The following PHF10 variants were observed in gnomAD, a reference collection of about 807,000 sequenced individuals.
The protein encoded by PHF10 is BRG1-associated factor 45a.
PHF10 carries 51 observed loss-of-function variants against 68.5 expected under a neutral mutation model. That is an observed-to-expected ratio of 0.74 (90% CI 0.59 to 0.94). The LOEUF is 0.94. PHF10 is among the 40% of genes least tolerant of loss of function. The pLI is 0.00. For synonymous variants in PHF10, 204 were observed against 203.5 expected (o/e 1.00, Z -0.02); for missense variants, 460 against 602.6 (o/e 0.76, Z 2.48).
At chr6:169,720,928 C>T (rs1789161100) in intron 2 of PHF10, 77 bp downstream of exon 2, 3 of 716,510 alleles carry the variant, frequency 4.2e-6, no homozygotes, top group Non-Finnish European at 7.2e-6. Flanking sequence ...TTTGCCAGAG[C>T]TGGGGGAAAG....
chr6:169,712,649 T>C (rs761588065), intron 7 of PHF10, 110 bp from the exon 8 acceptor site: 26 of 842,612 alleles, frequency 3.1e-5, no homozygotes, highest in South Asian at 6.6e-5. Flanking sequence ...CCGAAGACTT[T>C]TGAAAACTAG....
At chr6:169,704,947 C>T (rs1788724777) in intron 11 of PHF10, 186 bp downstream of exon 11, 1 of 430,534 alleles carries the variant, frequency 2.3e-6, no homozygotes, top group Non-Finnish European at 4.2e-6. Flanking sequence ...TTTCACTTAT[C>T]CTTTAGTTGG....
intron 2 of PHF10, chr6:169,719,203 T>C (rs1353353271): frequency 1.2e-5 from 3 of 253,650 alleles, no homozygotes; most frequent in Non-Finnish European, 2.3e-5. Flanking sequence ...AAAGGACCTA[T>C]GAGGGCAAAG....
At position 169,703,909 on chromosome 6, in the gene PHF10, CAAA is replaced by C; in HGVS notation, c.*91_*93del. ...CTGCAGATTTTAAGCTCATAATTTGCAAAAAAAATCTTTTATTGGCATGAAAAT... is the reference window on the plus strand; with the variant it reads ...CTGCAGATTTTAAGCTCATAATTTGCAAAAATCTTTTATTGGCATGAAAAT... On this transcript the variant is annotated 3_prime_UTR_variant, in exon 12 of 12. Transcript: ENST00000339209. 9.6e-7 allele frequency: 1 copy of C among 1,038,272 alleles called. No individual in the cohort carries two copies. Among genetic ancestry groups the C allele is most frequent in the South Asian group, 1.7e-5 (1 of 60,360 alleles). 64.3% of individuals were successfully genotyped at this position (1,038,272 alleles called of 1,614,324 possible). A position where few individuals can be genotyped will look rare whatever the true frequency, so the allele number is the denominator to read the frequency against.
chr6:169,713,396 C>G (rs1788970106), intron 7 of PHF10, among the ~76,000 whole-genome samples: 1 of 151,908 alleles, frequency 6.6e-6, no homozygotes, highest in Non-Finnish European at 1.5e-5. Flanking sequence ...GTCAGGAGTT[C>G]GAGACCAGCC....
intron 2 of PHF10, among the ~76,000 whole-genome samples, chr6:169,720,607 A>G (rs1182269285): frequency 2.0e-5 from 3 of 152,162 alleles, no homozygotes; most frequent in Non-Finnish European, 4.4e-5. Flanking sequence ...AGTCGTATTC[A>G]CGGAAATAGA....
Position 169,716,073 on chromosome 6 carries a change from C to T in PHF10, c.425G>A (p.Arg142His), listed in dbSNP as rs770677813. ...TQCTLGLTAL[R>H]SDEVIDLMIK... is the part of the protein sequence containing the mutation. Reference sequence around the variant, plus strand: ...CATTAAATCAATCACTTCATCACTGCGCAATGCTGTTAAGCCTATTTTAGA... The same window carrying T: ...CATTAAATCAATCACTTCATCACTGTGCAATGCTGTTAAGCCTATTTTAGA... The change falls in exon 5 of 12, where the codon CGC (arginine) becomes CAC (histidine). Residue 142 changes from arginine to histidine, a missense_variant. Physicochemically the swap from Arg to His is conservative, Grantham distance 29 (BLOSUM62 0). This residue lies in a region of PHF10 where 256 missense variants were observed against 410.5 expected (regional missense o/e 0.62). Coordinates refer to ENST00000339209, the MANE Select transcript of PHF10 (RefSeq NM_018288.4). 3.1e-6 allele frequency: 5 copies of T among 1,594,086 alleles called. No individual in the cohort carries two copies. The highest frequency in any genetic ancestry group is 1.8e-5 in the Admixed American group (1 of 56,068).
At chr6:169,710,419 T>C in intron 8 of PHF10, 28 bp from the exon 9 acceptor site, 4 of 1,567,714 alleles carry the variant, frequency 2.6e-6, no homozygotes, top group Non-Finnish European at 3.5e-6. Context: ...AAAACAAAGA[T>C]TCTTTGGAAT....
At chr6:169,721,203 G>A (rs1789169429) in intron 1 of PHF10, 92 bp from the exon 2 acceptor site, 2 of 694,550 alleles carry the variant, frequency 2.9e-6, no homozygotes, top group Non-Finnish European at 2.4e-6. Flanking sequence ...AGGACAACTA[G>A]TCATACAAGT....
In PHF10 at chr6:169,705,248, T is replaced by C. The variant is rs769656405; in HGVS notation, c.1296A>G (p.Glu432=). 2 of 1,613,302 alleles carry C rather than the reference T, an allele frequency of 1.2e-6. No homozygotes were observed. Among genetic ancestry groups the C allele is most frequent in the Admixed American group, 3.3e-5 (2 of 60,026 alleles). Reference sequence around the variant, plus strand: ...GTCCACATATAATGCATGTTTTACATTCCATACACTGCCATGGGTAGGTCT... The same window carrying C: ...GTCCACATATAATGCATGTTTTACACTCCATACACTGCCATGGGTAGGTCT... The part of the protein sequence containing the change: ...MIKTYPWQCM[E]CKTCIICGQP... The change falls in exon 11 of 12, where the codon GAA becomes GAG. Residue 432 remains glutamate, a synonymous_variant. Transcript: ENST00000339209.
intron 4 of PHF10, among the ~76,000 whole-genome samples, chr6:169,716,746 T>C (rs1330434120): frequency 6.6e-6 from 1 of 152,192 alleles, no homozygotes; most frequent in Non-Finnish European, 1.5e-5. Flanking sequence ...CTCGCCATCT[T>C]GCCCAGGCTG....
At chr6:169,707,601 C>G in intron 9 of PHF10, 1 of 152,142 alleles carries the variant, frequency 6.6e-6, no homozygotes, top group East Asian at 1.9e-4. Flanking sequence ...AAACAGAACT[C>G]CTCACAGGAG....
Position 169,714,590 on chromosome 6 carries a change from C to T in PHF10, c.803+143G>A, listed in dbSNP as rs1423536532. 7 of 643,822 alleles carry T rather than the reference C, an allele frequency of 1.1e-5. No individual in the cohort carries two copies. The South Asian group carries it at 1.1e-4, about 10-fold the overall frequency. 39.9% of individuals were successfully genotyped at this position (643,822 alleles called of 1,614,324 possible). On this transcript the variant is annotated intron_variant, in intron 7 of 11. Transcript: ENST00000339209. ...CTACAGGGTATTGTTTACCACAGAA[C>T]CAGAGAAGAATAGCAACACAAATCC...
At chr6:169,705,867 G>T (rs1036890093) in intron 9 of PHF10, 143 bp from the exon 10 acceptor site, 2 of 631,598 alleles carry the variant, frequency 3.2e-6, no homozygotes, top group Non-Finnish European at 5.8e-6. Flanking sequence ...CTTGACAGGA[G>T]TCTGCCTACA....
chr6:169,704,714 T>C (rs931025791), intron 11 of PHF10: 1 of 172,150 alleles, frequency 5.8e-6, no homozygotes, highest in Admixed American at 6.5e-5. Flanking sequence ...CTGTGATTTA[T>C]TCAACTCTGT....
At chr6:169,706,337 TAAA>T (rs1423247836) in intron 9 of PHF10, among the ~76,000 whole-genome samples, 3 of 152,016 alleles carry the variant, frequency 2.0e-5, no homozygotes, top group Admixed American at 6.6e-5. Flanking sequence ...GCATGTCTAA[TAAA>T]AGAATCTATA....
chr6:169,714,487 ATCTGTC>A (rs1788998797), intron 7 of PHF10, among the ~76,000 whole-genome samples: 1 of 152,210 alleles, frequency 6.6e-6, no homozygotes, highest in Admixed American at 6.5e-5. Flanking sequence ...AACCCCCAGC[ATCTGTC>A]TCTAACAAAC....
intron 2 of PHF10, among the ~76,000 whole-genome samples, chr6:169,720,692 G>C (rs1006182816): frequency 6.6e-6 from 1 of 152,128 alleles, no homozygotes; most frequent in Non-Finnish European, 1.5e-5. Flanking sequence ...TAAAGTTTGG[G>C]GTAGTGAAAG....
chr6:169,711,889 G>C (rs4626430), intron 8 of PHF10, among the ~76,000 whole-genome samples: 59,551 of 151,802 alleles, frequency 0.39, 13,570 homozygotes, highest in East Asian at 0.94. Context: ...TCCTTCAGGT[G>C]CACAGAATAC....
Sources: allele counts gnomAD v4.1 joint callset (sites outside exome capture counted in the v4.1 genomes callset), GRCh38; gene constraint gnomAD v4.1.1; regional missense constraint gnomAD v4.1.1; transcripts MANE v1.5; gene names NCBI Gene and HGNC (gene_info 2026-07-23, HGNC 2026-07-21).